SV2B: variants seen among roughly 807,000 people sequenced by gnomAD.
SV2B encodes solute carrier family 22 member B2.
SV2B carries 41 observed loss-of-function variants against 73.9 expected under a neutral mutation model. The observed-to-expected ratio is 0.56, with a 90% CI of 0.43 to 0.72. The LOEUF is 0.72. Among genes scored for constraint, SV2B ranks in the 30% least tolerant of loss-of-function variants. The pLI is 0.00. For missense variants in SV2B, 764 were observed against 857.8 expected, an observed-to-expected ratio of 0.89 and a Z score of 1.37; for synonymous variants, 314 against 314.2, an observed-to-expected ratio of 1.00 and a Z score of 0.01.
Position 91,226,361 on chromosome 15 carries a change from G to A in SV2B, c.98G>A (p.Ser33Asn). ...NESNPEEDAQ[S>N]DVTEGHDEED... ...TCCAACCCAGAAGAAGATGCACAGA[G>A]TGATGTCACCGAAGGCCATGATGAG... The change falls in exon 2 of 13, where the codon AGT (serine) becomes AAT (asparagine). Residue 33 changes from serine to asparagine, a missense_variant. Ser to Asn is a conservative substitution (Grantham distance 46). Coordinates refer to ENST00000394232, the MANE Select transcript of SV2B (RefSeq NM_001323032.3). The A allele has an allele frequency of 6.2e-7, 1 of 1,614,172 alleles. No homozygotes were observed. Among genetic ancestry groups the A allele is most frequent in the Non-Finnish European group, 8.5e-7 (1 of 1,180,030 alleles).
intron 6 of SV2B, 36 bp downstream of exon 6, chr15:91,260,445 TCTC>T (rs762833596): frequency 1.3e-6 from 2 of 1,515,790 alleles, no homozygotes; most frequent in African/African-American, 1.4e-5. Flanking sequence ...AGAAGGGGGT[TCTC>T]CTCTTCACTG....
chr15:91,191,059 G>GTTTTTTTTTTT (rs1161482690), intron 1 of SV2B, among the ~76,000 whole-genome samples: 1 of 59,734 alleles, frequency 1.7e-5, no homozygotes, highest in African/African-American at 5.9e-5. Flanking sequence ...TTTTTTTGGT[G>GTTTTTTTTTTT]TTTCTTTTTT....
At chr15:91,212,587 C>G (rs1012800021) in intron 1 of SV2B, among the ~76,000 whole-genome samples, 4 of 152,100 alleles carry the variant, frequency 2.6e-5, no homozygotes, top group African/African-American at 9.7e-5. Context: ...TTGTTGCTTA[C>G]AGTAAGTGCT....
chr15:91,285,420 G>A (rs902527343), intron 11 of SV2B, among the ~76,000 whole-genome samples: 1 of 152,206 alleles, frequency 6.6e-6, no homozygotes, highest in Non-Finnish European at 1.5e-5. Flanking sequence ...GCCTGCAGTA[G>A]AGTTGACACT....
At position 91,226,071 on chromosome 15, in the gene SV2B, G is replaced by T. The variant is rs1404228477; in HGVS notation, c.-193G>T. The T allele has an allele frequency of 1.2e-5, 7 of 607,816 alleles. No homozygotes were observed. The highest frequency in any genetic ancestry group is 2.0e-5 in the Non-Finnish European group (7 of 353,360). 37.7% of individuals were successfully genotyped at this position (607,816 alleles called of 1,614,324 possible). A position where few individuals can be genotyped will look rare whatever the true frequency, so the allele number is the denominator to read the frequency against. On this transcript the variant is annotated 5_prime_UTR_variant, in exon 2 of 13. Transcript: ENST00000394232. ...TCGAGTGCAAAAGGATATTTAGGTT[G>T]TCTTTGCACAAATCTGGTTGATTTG...
At chr15:91,217,759 A>G (rs1375684377) in intron 1 of SV2B, among the ~76,000 whole-genome samples, 1 of 152,264 alleles carries the variant, frequency 6.6e-6, no homozygotes, top group Non-Finnish European at 1.5e-5. Context: ...AGATGGCTAG[A>G]CACGGTCTTA....
At chr15:91,166,312 GC>G (rs1244138691) in intron 1 of SV2B, among the ~76,000 whole-genome samples, 1 of 152,010 alleles carries the variant, frequency 6.6e-6, no homozygotes, top group East Asian at 1.9e-4. Flanking sequence ...GAGAAACACT[GC>G]CATGCAATAT....
chr15:91,283,680 C>T lies in SV2B; in HGVS notation c.1508-341C>T, dbSNP rs1448103659. ...TGTTGCCCAGGCTGGTCCTGAACTC[C>T]TGAGCTCAAGTGATCCTCCTACCTC... On this transcript the variant is annotated intron_variant, in intron 10 of 12. Transcript: ENST00000394232. The surrounding 1 kb of genome is among the most constrained non-coding windows in gnomAD (Gnocchi z 4.3). Among the ~76,000 whole-genome samples the T allele has an allele frequency of 6.6e-6, 1 of 152,156 alleles. No homozygotes were observed. The highest frequency in any genetic ancestry group is 1.5e-5 in the Non-Finnish European group (1 of 68,034).
rs941991059 is a variant in SV2B, at chr15:91,203,836, C to T, written c.-391-22037C>T. ...AGGGAGAGCTACTGTCTCTCTCTCT[C>T]TCCTCCCCTCTCCCCCTCTCTCCCT... On this transcript the variant is annotated intron_variant, in intron 1 of 12. Coordinates refer to ENST00000394232, the MANE Select transcript of SV2B (RefSeq NM_001323032.3). Among the ~76,000 whole-genome samples the T allele has an allele frequency of 4.6e-5, 7 of 152,160 alleles. No homozygotes were observed. In the South Asian group the frequency reaches 8.3e-4, roughly 18 times the overall value.
intron 1 of SV2B, among the ~76,000 whole-genome samples, chr15:91,171,942 C>T (rs906257150): frequency 6.6e-6 from 1 of 152,148 alleles, no homozygotes; most frequent in Non-Finnish European, 1.5e-5. Context: ...TCTGAAACAG[C>T]AATCCATATC....
chr15:91,290,062 T>C lies in SV2B; in HGVS notation c.1868+382T>C, dbSNP rs1356031143. On this transcript the variant is annotated intron_variant, in intron 12 of 12. Coordinates refer to ENST00000394232, the MANE Select transcript of SV2B (RefSeq NM_001323032.3). This position sits in a 1 kb window ranked among gnomAD's most constrained non-coding sequence, Gnocchi z 4.7. Reference sequence around the variant, plus strand: ...CACAGGGTGGGGGCAAGGAGAGAAATAAAGGTCGGGAGGCAGCATGAAGTC... The same window carrying C: ...CACAGGGTGGGGGCAAGGAGAGAAACAAAGGTCGGGAGGCAGCATGAAGTC... 6.6e-6 allele frequency among the ~76,000 whole-genome samples: 1 copy of C among 151,570 alleles called. No individual in the cohort carries two copies. Among genetic ancestry groups the C allele is most frequent in the East Asian group, 1.9e-4 (1 of 5,176 alleles).
In SV2B at chr15:91,281,439, A is replaced by T. The variant is rs2048677467; in HGVS notation, c.1374-289A>T. Among the ~76,000 whole-genome samples the T allele has an allele frequency of 6.6e-6, 1 of 152,184 alleles. No individual in the cohort carries two copies. The highest frequency in any genetic ancestry group is 1.5e-5 in the Non-Finnish European group (1 of 68,038). On this transcript the variant is annotated intron_variant, in intron 9 of 12. Transcript: ENST00000394232. This position sits in a 1 kb window ranked among gnomAD's most constrained non-coding sequence, Gnocchi z 4.7. ...ATATTTAAATTTCACACTATTTCACATTTCTGTGATTCTGACTTAGAAGGT... is the reference window on the plus strand; with the variant it reads ...ATATTTAAATTTCACACTATTTCACTTTTCTGTGATTCTGACTTAGAAGGT...
chr15:91,251,938 C>T lies in SV2B; in HGVS notation c.571C>T (p.Leu191Phe), dbSNP rs547706465. ...GGCCGTCAATGCCTCCTTCGCCTCC[C>T]TCTCTTCCTTCGTGCAGGGATATGG... is the stretch of plus-strand genomic sequence containing the variant. ...SLAVNASFAS[L>F]SSFVQGYGAF... Residue 191 changes from leucine to phenylalanine, a missense_variant, in exon 3 of 13, where the codon CTC (leucine) becomes TTC (phenylalanine). Transcript: ENST00000394232. 1.9e-6 allele frequency: 3 copies of T among 1,614,160 alleles called. No individual in the cohort carries two copies. The highest frequency in any genetic ancestry group is 1.3e-5 in the African/African-American group (1 of 75,026).
rs149903225 is a variant in SV2B at position 91,158,730 on chromosome 15, TCTC to T, written c.-392+58371_-392+58373del. Among the ~76,000 whole-genome samples, 14 of 55,534 alleles carry T rather than the reference TCTC, an allele frequency of 2.5e-4. 2 individuals carry two copies. The highest frequency in any genetic ancestry group is 9.2e-4 in the South Asian group (1 of 1,086). 36.4% of individuals were successfully genotyped at this position (55,534 alleles called of 152,430 possible). A position where few individuals can be genotyped will look rare whatever the true frequency, so the allele number is the denominator to read the frequency against. On this transcript the variant is annotated intron_variant, in intron 1 of 12. Transcript: ENST00000394232. The stretch of plus-strand genomic sequence containing the variant: ...TCTCCTCTCCTCTCCTCTCCTCTCT[TCTC>T]CTCTTTTTTCTCTCTCTGCCTCACT...
Position 91,258,457 on chromosome 15 carries a change from A to G in SV2B, c.821A>G (p.His274Arg). Reference sequence around the variant, plus strand: ...AGCATGGGGACCAATTACCACTTCCATAGCTGGAGAGTGTTTGTCATCGTC... The same window carrying G: ...AGCATGGGGACCAATTACCACTTCCGTAGCTGGAGAGTGTTTGTCATCGTC... The part of the protein sequence containing the change: ...GFSMGTNYHF[H>R]SWRVFVIVCA... Residue 274 changes from histidine (H) to arginine (R), a missense_variant, in exon 5 of 13, where the codon CAT becomes CGT. Transcript: ENST00000394232. The surrounding 1 kb of genome is among the most constrained non-coding windows in gnomAD (Gnocchi z 4.7). The G allele has an allele frequency of 1.2e-6, 2 of 1,614,056 alleles. No homozygotes were observed. Among genetic ancestry groups the G allele is most frequent in the Non-Finnish European group, 1.7e-6 (2 of 1,179,968 alleles).
chr15:91,287,517 G>T (rs547767850), intron 11 of SV2B, among the ~76,000 whole-genome samples: 3 of 152,196 alleles, frequency 2.0e-5, no homozygotes, highest in East Asian at 3.9e-4. Context: ...GCATCTCAAG[G>T]TCCTCCGGGC....
chr15:91,099,953 T>C (rs965489006), upstream of SV2B: 1 of 152,276 alleles, frequency 6.6e-6, no homozygotes, highest in African/African-American at 2.4e-5. Context: ...AAGTTTAATA[T>C]TTATTGGTCT....
chr15:91,154,229 T>A (rs929611184), intron 1 of SV2B, among the ~76,000 whole-genome samples: 1 of 150,946 alleles, frequency 6.6e-6, no homozygotes. Context: ...GATACTTTTT[T>A]ATAGACCAGT....
At chr15:91,168,301 CGAGAGAGA>C (rs113991291) in intron 1 of SV2B, among the ~76,000 whole-genome samples, 2 of 137,200 alleles carry the variant, frequency 1.5e-5, no homozygotes, top group Non-Finnish European at 3.1e-5. Context: ...TGGTGAGATA[CGAGAGAGA>C]GAGAGAGAGA....
Sources: gnomAD v4.1 joint callset for allele counts (sites outside exome capture counted in the v4.1 genomes callset) on GRCh38, gnomAD v4.1.1 for gene constraint, Gnocchi (gnomAD v3.1) non-coding constraint, MANE v1.5 for transcripts, NCBI Gene and HGNC (gene_info 2026-07-23, HGNC 2026-07-21) for gene names.